The following SPATA7 variants were observed in gnomAD, a reference collection of about 807,000 sequenced individuals.
SPATA7 encodes spermatogenesis-associated protein 7.
SPATA7 carries 43 observed loss-of-function variants against 51.8 expected under a neutral mutation model. The ratio of observed to expected loss-of-function variants is 0.83; its 90% CI spans 0.65 to 1.07. SPATA7 has a LOEUF of 1.07. Ranked by LOEUF, SPATA7 falls within the 50% of genes least tolerant of loss-of-function variation. The probability of loss-of-function intolerance (pLI) is 0.00; values close to 1 mark genes in which losing one functional copy is unlikely to be tolerated. For missense variants in SPATA7, 683 were observed against 701.3 expected, an observed-to-expected ratio of 0.97 and a Z score of 0.30; for synonymous variants, 230 against 252.8, an observed-to-expected ratio of 0.91 and a Z score of 0.86.
rs181384690 is a variant in SPATA7 at position 88,443,476 on chromosome 14, T to C, written c.177+5573T>C. 2.6e-3 allele frequency among the ~76,000 whole-genome samples: 400 copies of C among 152,166 alleles called. 1 individual carries two copies. Among genetic ancestry groups the C allele is most frequent in the Non-Finnish European group, 4.5e-3 (306 of 67,998 alleles). Reference sequence around the variant, plus strand: ...ATATGTCCTGCTTATTTCTTGTATTTATTTATTTATTTATTATTATTATAC... The same window carrying C: ...ATATGTCCTGCTTATTTCTTGTATTCATTTATTTATTTATTATTATTATAC... On this transcript the variant is annotated intron_variant, in intron 3 of 3. Transcript: ENST00000554802.
chr14:88,386,993 C>A (rs1437913403), intron 1 of SPATA7, among the ~76,000 whole-genome samples: 1 of 152,140 alleles, frequency 6.6e-6, no homozygotes, highest in Non-Finnish European at 1.5e-5. Context: ...AACATTAAAC[C>A]CTTGCTATGT....
rs1426956771 is a variant in SPATA7, at chr14:88,393,626, A to C, written c.190+138A>C. 21 of 710,630 alleles carry C rather than the reference A, an allele frequency of 3.0e-5. No individual in the cohort carries two copies. In the African/African-American group the frequency reaches 3.4e-4, roughly 11 times the overall value. 44.0% of individuals were successfully genotyped at this position (710,630 alleles called of 1,614,324 possible). Reference sequence around the variant, plus strand: ...TATTTGTTTGGTTTAGTGTGATACAAACTATTGACTCTAGGTACTTAGCAA... The same window carrying C: ...TATTTGTTTGGTTTAGTGTGATACACACTATTGACTCTAGGTACTTAGCAA... On this transcript the variant is annotated intron_variant, in intron 3 of 11. Coordinates refer to ENST00000393545, the MANE Select transcript of SPATA7 (RefSeq NM_018418.5).
At chr14:88,396,801 G>A (rs2075892652) in intron 4 of SPATA7, among the ~76,000 whole-genome samples, 1 of 151,900 alleles carries the variant, frequency 6.6e-6, no homozygotes, top group African/African-American at 2.4e-5. Context: ...TTTAGAAGTG[G>A]AATTGCTAAA....
chr14:88,439,147 G>A (rs1308975385), downstream of SPATA7, among the ~76,000 whole-genome samples: 1 of 152,198 alleles, frequency 6.6e-6, no homozygotes, highest in Admixed American at 6.5e-5. Context: ...TAGGCTATGG[G>A]AAATGGTTTA....
Position 88,469,193 on chromosome 14 carries a change from G to T in SPATA7, c.255-654G>T. 8.4e-7 allele frequency: 1 copy of T among 1,185,172 alleles called. No homozygotes were observed. The highest frequency in any genetic ancestry group is 1.2e-6 in the Non-Finnish European group (1 of 855,752). The allele number at this position is 1,185,172 out of a possible 1,614,324, so 73.4% of individuals were successfully genotyped here. ...GGACTGCAGATAAAGAGCACTGGGT[G>T]CCAGTGAACCAAACCCAACCACAAA... On this transcript the variant is annotated intron_variant, in intron 4 of 4. Transcript: ENST00000556406. This position sits in a 1 kb window ranked among gnomAD's most constrained non-coding sequence, Gnocchi z 4.3.
At chr14:88,445,418 A>G (rs1305829942) in intron 3 of SPATA7, among the ~76,000 whole-genome samples, 9 of 152,192 alleles carry the variant, frequency 5.9e-5, no homozygotes, top group Non-Finnish European at 1.3e-4. Context: ...ATATACAATC[A>G]TGTCATCTGC....
intron 4 of SPATA7, among the ~76,000 whole-genome samples, chr14:88,411,788 G>A (rs777755321): frequency 6.6e-6 from 1 of 152,112 alleles, no homozygotes; most frequent in Admixed American, 6.5e-5. Flanking sequence ...CCATATCTTT[G>A]CTATTGTGGA....
intron 4 of SPATA7, among the ~76,000 whole-genome samples, chr14:88,398,160 T>C (rs1435080418): frequency 6.6e-6 from 1 of 151,952 alleles, no homozygotes; most frequent in Admixed American, 6.6e-5. Context: ...GTATTAATCA[T>C]ATAAAAATCA....
At chr14:88,460,249 T>C (rs1234537362), downstream of SPATA7, among the ~76,000 whole-genome samples, 5 of 152,206 alleles carry the variant, frequency 3.3e-5, no homozygotes, top group Non-Finnish European at 7.3e-5. Context: ...AATCTGAATG[T>C]TGGCCTGCCT....
chr14:88,414,022 G>A (rs2076409993), intron 4 of SPATA7, among the ~76,000 whole-genome samples: 3 of 151,984 alleles, frequency 2.0e-5, no homozygotes, highest in Non-Finnish European at 4.4e-5. Context: ...CGTTTTTGGT[G>A]TGTCTTTACC....
intron 4 of SPATA7, among the ~76,000 whole-genome samples, chr14:88,400,808 C>G (rs1271547085): frequency 6.6e-6 from 1 of 151,954 alleles, no homozygotes; most frequent in Non-Finnish European, 1.5e-5. Context: ...GCACTCCAGC[C>G]TGGGTGACAG....
At chr14:88,414,767 A>AG in intron 4 of SPATA7, 1 of 304,774 alleles carries the variant, frequency 3.3e-6, no homozygotes, top group Non-Finnish European at 6.3e-6. Context: ...TATTTCAAAG[A>AG]GTTTTTTTGT....
rs1250209842 is a variant in SPATA7, at chr14:88,447,552, A to G, written c.178-7508A>G. Among the ~76,000 whole-genome samples the G allele has an allele frequency of 4.6e-5, 7 of 151,666 alleles. No homozygotes were observed. In the East Asian group the frequency reaches 7.7e-4, roughly 17 times the overall value. ...ATGATGTTAGCTGGTTATTTTGCTC[A>G]TTAGTTGATGTAGTTTCTTCGTAGT... On this transcript the variant is annotated intron_variant, in intron 3 of 3. Coordinates refer to the SPATA7 transcript ENST00000554802.
downstream of SPATA7, among the ~76,000 whole-genome samples, chr14:88,459,635 T>C (rs1482959097): frequency 6.6e-6 from 1 of 152,234 alleles, no homozygotes; most frequent in Non-Finnish European, 1.5e-5. Flanking sequence ...GTCTCCTGAA[T>C]ACAGCACACT....
At chr14:88,437,799 T>C in intron 11 of SPATA7, 39 bp from the exon 12 acceptor site, 1 of 1,543,424 alleles carries the variant, frequency 6.5e-7, no homozygotes. Context: ...TTAATTTGAC[T>C]CAATTAATGT....
intron 4 of SPATA7, among the ~76,000 whole-genome samples, chr14:88,410,419 C>T (rs1298644530): frequency 1.3e-5 from 2 of 151,990 alleles, no homozygotes; most frequent in Admixed American, 6.6e-5. Flanking sequence ...GCAACCCCTG[C>T]GTTTTTTGTT....
downstream of SPATA7, among the ~76,000 whole-genome samples, chr14:88,455,539 C>T (rs1050954497): frequency 6.6e-6 from 1 of 152,180 alleles, no homozygotes; most frequent in Non-Finnish European, 1.5e-5. Context: ...ACATATATAA[C>T]ATTTAACCCT....
intron 5 of SPATA7, among the ~76,000 whole-genome samples, chr14:88,419,715 C>T (rs1043808424): frequency 3.3e-5 from 5 of 151,910 alleles, no homozygotes; most frequent in Non-Finnish European, 7.4e-5. Context: ...TTAGTAGAGA[C>T]GGGGTTCCAC....
chr14:88,419,531 CT>C (rs561604199), intron 5 of SPATA7, among the ~76,000 whole-genome samples: 4,947 of 130,884 alleles, frequency 0.038, 252 homozygotes, highest in African/African-American at 0.13. Context: ...TAATCATTGT[CT>C]TTTTTTTTTT....
Sources: gnomAD v4.1 joint callset for allele counts (sites outside exome capture counted in the v4.1 genomes callset) on GRCh38, gnomAD v4.1.1 for gene constraint, Gnocchi (gnomAD v3.1) non-coding constraint, MANE v1.5 for transcripts, NCBI Gene and HGNC (gene_info 2026-07-23, HGNC 2026-07-21) for gene names.